Variants in ZNF721 observed in about 807,000 individuals in gnomAD.
ZNF721 encodes zinc finger protein 721.
ZNF721 carries 2 observed loss-of-function variants against 2.4 expected under a neutral mutation model. The ratio of observed to expected loss-of-function variants is 0.82; its 90% CI spans 0.34 to 2.58. The LOEUF is 2.58. ZNF721 is among the 30% of genes most tolerant of loss of function. ZNF721 has a pLI of 0.11. For synonymous variants in ZNF721, 398 were observed against 381.8 expected, an observed-to-expected ratio of 1.04 and a Z score of -0.50; for missense variants, 1,187 against 1,085.5, an observed-to-expected ratio of 1.09 and a Z score of -1.31.
intron 1 of ZNF721, among the ~76,000 whole-genome samples, chr4:485,857 C>A (rs1715882488): frequency 6.6e-6 from 1 of 152,250 alleles, no homozygotes; most frequent in South Asian, 2.1e-4. Context: ...TGCCTATAGT[C>A]CCAGCTACTT....
intron 2 of ZNF721, among the ~76,000 whole-genome samples, chr4:458,259 C>G (rs1444445113): frequency 1.3e-5 from 2 of 152,190 alleles, no homozygotes; most frequent in Non-Finnish European, 2.9e-5. Flanking sequence ...ATAGAATCCA[C>G]AACTGTCTGA....
At chr4:476,874 G>T (rs1553868737) in intron 1 of ZNF721, among the ~76,000 whole-genome samples, 1 of 152,194 alleles carries the variant, frequency 6.6e-6, no homozygotes, top group African/African-American at 2.4e-5. Context: ...TGGGTTAACA[G>T]CTTAGGGAAA....
In ZNF721 at chr4:441,800, T is replaced by C; in HGVS notation, c.2667A>G (p.Gly889=). Residue 889 remains glycine, a synonymous_variant, in exon 3 of 3, where the codon GGA becomes GGG. Transcript: ENST00000511833. ...NLYAHKKIHT[G]EKPYTCGDCG... is the part of the protein sequence containing the mutation. Reference sequence around the variant, plus strand: ...AGTCTCCACACGTGTAGGGTTTCTCTCCAGTATGAATTTTCTTATGCGCAT... The same window carrying C: ...AGTCTCCACACGTGTAGGGTTTCTCCCCAGTATGAATTTTCTTATGCGCAT... The C allele has an allele frequency of 1.2e-6, 2 of 1,613,964 alleles. No homozygotes were observed. The highest frequency in any genetic ancestry group is 1.7e-6 in the Non-Finnish European group (2 of 1,179,952).
intron 2 of ZNF721, among the ~76,000 whole-genome samples, chr4:466,406 G>A (rs974392166): frequency 2.0e-5 from 3 of 152,156 alleles, no homozygotes; most frequent in Admixed American, 2.0e-4. Flanking sequence ...TTATGCTTGA[G>A]TTGTTATGTG....
chr4:469,637 A>T (rs977468082), intron 2 of ZNF721, among the ~76,000 whole-genome samples: 5 of 152,352 alleles, frequency 3.3e-5, no homozygotes, highest in Admixed American at 1.3e-4. Flanking sequence ...GTGAGAAAGA[A>T]CAAAGCTAGG....
In ZNF721 at chr4:442,103, T is replaced by A; in HGVS notation, c.2364A>T (p.Lys788Asn). ...KKPYKCKECG[K>N]VITSSSSFAK... ...CAAAGCTTGAGGATGACGTAATGAC[T>A]TTGCCACATTCCTTACATTTGTAGG... The change falls in exon 3 of 3, where the codon AAA becomes AAT. Residue 788 changes from lysine to asparagine, a missense_variant. Lys to Asn is a moderately conservative substitution (Grantham distance 94). Coordinates refer to ENST00000511833, the MANE Select transcript of ZNF721 (RefSeq NM_133474.4). 2 of 1,613,930 alleles carry A rather than the reference T, an allele frequency of 1.2e-6. No individual in the cohort carries two copies. Among genetic ancestry groups the A allele is most frequent in the Non-Finnish European group, 1.7e-6 (2 of 1,179,822 alleles).
intron 1 of ZNF721, among the ~76,000 whole-genome samples, chr4:495,130 C>T (rs1553872029): frequency 6.6e-6 from 1 of 152,026 alleles, no homozygotes; most frequent in African/African-American, 2.4e-5. Context: ...GATCCGCCCA[C>T]CTTGGCCTGC....
chr4:487,005 T>G (rs1266655487), intron 1 of ZNF721, among the ~76,000 whole-genome samples: 1 of 152,182 alleles, frequency 6.6e-6, no homozygotes, highest in Non-Finnish European at 1.5e-5. Flanking sequence ...TGGAGGTGCA[T>G]GGGCTTCAGA....
At position 441,881 on chromosome 4, in the gene ZNF721, C is replaced by G. The variant is rs966673482; in HGVS notation, c.2586G>C (p.Glu862Asp). 3.7e-6 allele frequency: 6 copies of G among 1,613,888 alleles called. No individual in the cohort carries two copies. ...LYVHRRIHTGEKPYTCGECGK... is the reference protein window; with the variant it reads ...LYVHRRIHTGDKPYTCGECGK... ...CACATTCTCCACATGTGTAGGGTTT[C>G]TCTCCAGTATGAATTCTCCTATGTA... Residue 862 changes from glutamate to aspartate, a missense_variant, in exon 3 of 3, where the codon GAG becomes GAC. Physicochemically the swap from Glu to Asp is conservative, Grantham distance 45. Coordinates refer to ENST00000511833, the MANE Select transcript of ZNF721 (RefSeq NM_133474.4).
rs1003307497 is a variant in ZNF721 at position 440,962 on chromosome 4, G to A, written c.*733C>T. 6.6e-6 allele frequency: 1 copy of A among 152,254 alleles called. No individual in the cohort carries two copies. Among genetic ancestry groups the A allele is most frequent in the Non-Finnish European group, 1.5e-5 (1 of 68,096 alleles). The allele number at this position is 152,254 out of a possible 1,614,324, so 9.4% of individuals were successfully genotyped here. ...ATTACAGGCGTGAGCCACCGCGCCTGGCCTCTGGTTTCTTAACCTGCAGTT... is the reference window on the plus strand; with the variant it reads ...ATTACAGGCGTGAGCCACCGCGCCTAGCCTCTGGTTTCTTAACCTGCAGTT... On this transcript the variant is annotated 3_prime_UTR_variant, in exon 3 of 3. Coordinates refer to ENST00000511833, the MANE Select transcript of ZNF721 (RefSeq NM_133474.4).
rs181653514 is a variant in ZNF721 at position 481,874 on chromosome 4, G to A, written c.-93-9173C>T. On this transcript the variant is annotated intron_variant, in intron 1 of 2. Coordinates refer to ENST00000511833, the MANE Select transcript of ZNF721 (RefSeq NM_133474.4). ...ATGCTGGAACTCAAAAGAATATTTG[G>A]TAGTAGACACGCATACGCTGCCTAA... is the stretch of plus-strand genomic sequence containing the variant. Among the ~76,000 whole-genome samples the A allele has an allele frequency of 2.2e-4, 33 of 152,296 alleles. No homozygotes were observed. The South Asian group carries it at 4.1e-3, about 19-fold the overall frequency.
At chr4:458,507 C>CA (rs1714913388) in intron 2 of ZNF721, among the ~76,000 whole-genome samples, 1 of 152,280 alleles carries the variant, frequency 6.6e-6, no homozygotes, top group East Asian at 1.9e-4. Flanking sequence ...GCAAACATAA[C>CA]ACCACTAAAG....
intron 1 of ZNF721, among the ~76,000 whole-genome samples, chr4:479,245 G>A (rs1266217860): frequency 6.6e-6 from 1 of 151,970 alleles, no homozygotes; most frequent in Non-Finnish European, 1.5e-5. Flanking sequence ...TGGCAACCCT[G>A]GTTAGAGTGT....
At position 444,413 on chromosome 4, in the gene ZNF721, G is replaced by C; in HGVS notation, c.54C>G (p.Thr18=). 1 of 1,586,338 alleles carries C rather than the reference G, an allele frequency of 6.3e-7. No individual in the cohort carries two copies. The highest frequency in any genetic ancestry group is 8.6e-7 in the Non-Finnish European group (1 of 1,167,966). Residue 18 remains threonine, a synonymous_variant, in exon 3 of 3, where the codon ACC becomes ACG. Coordinates refer to ENST00000511833, the MANE Select transcript of ZNF721 (RefSeq NM_133474.4). The part of the protein sequence containing the change: ...LVSLAMCSHF[T]QDFLPVQGIE... The stretch of plus-strand genomic sequence containing the variant: ...TCCCCTGCACTGGCAAAAAGTCTTG[G>C]GTGAAATGAGAACACATAGCTGAAA...
In ZNF721 at chr4:444,174, T is replaced by C. The variant is rs1553863880; in HGVS notation, c.293A>G (p.Lys98Arg). The change falls in exon 3 of 3, where the codon AAA becomes AGA. Residue 98 changes from lysine (K) to arginine (R), a missense_variant. Coordinates refer to ENST00000511833, the MANE Select transcript of ZNF721 (RefSeq NM_133474.4). ...KVFSKFANSN[K>R]DKTRHTGEKH... ...CTCTCCAGTATGTCTTGTCTTATCT[T>C]TGTTTGAATTTGCAAATTTACTAAA... 1 of 1,613,918 alleles carries C rather than the reference T, an allele frequency of 6.2e-7. No individual in the cohort carries two copies. The highest frequency in any genetic ancestry group is 8.5e-7 in the Non-Finnish European group (1 of 1,179,860).
Position 441,737 on chromosome 4 carries a change from T to G in ZNF721, c.2730A>C (p.Ala910=). The G allele has an allele frequency of 1.2e-6, 2 of 1,613,156 alleles. No individual in the cohort carries two copies. The highest frequency in any genetic ancestry group is 2.2e-5 in the South Asian group (2 of 91,004). Reference sequence around the variant, plus strand: ...TATCTCCAGTATGAATTTTCTTATGTGCATAAAGATTTGCAGACTGTCTAA... The same window carrying G: ...TATCTCCAGTATGAATTTTCTTATGGGCATAAAGATTTGCAGACTGTCTAA... ...KTFRQSANLY[A]HKKIHTGDKT... The change falls in exon 3 of 3, where the codon GCA becomes GCC. Residue 910 remains alanine (A), a synonymous_variant. Coordinates refer to ENST00000511833, the MANE Select transcript of ZNF721 (RefSeq NM_133474.4).
intron 1 of ZNF721, among the ~76,000 whole-genome samples, chr4:498,215 GAAAAAAAAAAAAAAA>G (rs797042296): frequency 6.0e-5 from 5 of 83,940 alleles, no homozygotes; most frequent in Admixed American, 2.8e-4. Context: ...AAAAGAAAAA[GAAAAAAAAAAAAAAA>G]AAAAAAAAAA....
chr4:460,477 GA>G (rs1181406955), intron 2 of ZNF721, among the ~76,000 whole-genome samples: 8 of 152,158 alleles, frequency 5.3e-5, no homozygotes, highest in African/African-American at 1.9e-4. Context: ...GCCCACAAAA[GA>G]AAGCAGAAAA....
At position 440,434 on chromosome 4, in the gene ZNF721, T is replaced by C. The variant is rs1314029923; in HGVS notation, c.*1261A>G. The C allele has an allele frequency of 6.6e-6, 1 of 152,240 alleles. No individual in the cohort carries two copies. The highest frequency in any genetic ancestry group is 2.4e-5 in the African/African-American group (1 of 41,472). 9.4% of individuals were successfully genotyped at this position (152,240 alleles called of 1,614,324 possible). On this transcript the variant is annotated 3_prime_UTR_variant, in exon 3 of 3. Transcript: ENST00000511833. ...CAAGTGAAAAAATATATTTCGAATA[T>C]ATCTCTTCAAAAACCTACTTTTCAA... is the stretch of plus-strand genomic sequence containing the variant.
Sources: allele counts gnomAD v4.1 joint callset (sites outside exome capture counted in the v4.1 genomes callset), GRCh38; gene constraint gnomAD v4.1.1; transcripts MANE v1.5; gene names NCBI Gene and HGNC (gene_info 2026-07-23, HGNC 2026-07-21).